KCNIP4: variants seen among roughly 807,000 people sequenced by gnomAD.
KCNIP4 encodes potassium voltage-gated channel interacting protein 4.
A neutral mutation model predicts 34.0 loss-of-function variants in KCNIP4; 12 were observed. That is an observed-to-expected ratio of 0.35 (90% CI 0.23 to 0.57). The LOEUF is 0.57. Ranked by LOEUF, KCNIP4 falls within the 20% of genes least tolerant of loss-of-function variation. The pLI is 0.83. For missense variants in KCNIP4, 238 were observed against 311.7 expected (o/e 0.76, Z 1.78); for synonymous variants, 124 against 102.2 (o/e 1.21, Z -1.29).
At chr4:20,750,223 C>T (rs938001270) in intron 4 of KCNIP4, among the ~76,000 whole-genome samples, 1 of 152,160 alleles carries the variant, frequency 6.6e-6, no homozygotes, top group Non-Finnish European at 1.5e-5. Context: ...AAAACATACC[C>T]AAAGTCACAC....
At chr4:21,503,215 C>T (rs1733508407) in intron 1 of KCNIP4, among the ~76,000 whole-genome samples, 1 of 152,140 alleles carries the variant, frequency 6.6e-6, no homozygotes, top group Non-Finnish European at 1.5e-5. Context: ...TTGCTAAAAA[C>T]TAGTCTTGTC....
chr4:21,626,373 A>G (rs957768973), intron 1 of KCNIP4, among the ~76,000 whole-genome samples: 3 of 146,940 alleles, frequency 2.0e-5, no homozygotes, highest in Admixed American at 6.8e-5. Flanking sequence ...CAGATACCAG[A>G]GAGCTTGTTT....
chr4:20,874,846 G>A (rs1336549034), intron 2 of KCNIP4, among the ~76,000 whole-genome samples: 1 of 152,126 alleles, frequency 6.6e-6, no homozygotes, highest in African/African-American at 2.4e-5. Flanking sequence ...AAAACATATA[G>A]CCAATATCTG....
intron 1 of KCNIP4, among the ~76,000 whole-genome samples, chr4:21,658,798 C>T (rs138454453): frequency 7.2e-5 from 11 of 152,252 alleles, no homozygotes; most frequent in African/African-American, 2.2e-4. Context: ...GGATCACAGG[C>T]CTGAATTCCC....
chr4:20,851,197 C>T (rs1256360595), intron 2 of KCNIP4, among the ~76,000 whole-genome samples: 1 of 152,114 alleles, frequency 6.6e-6, no homozygotes, highest in African/African-American at 2.4e-5. Flanking sequence ...CTCCCTCCCC[C>T]AACAGGTGCC....
At chr4:21,536,180 A>G (rs1737150037) in intron 1 of KCNIP4, among the ~76,000 whole-genome samples, 1 of 152,156 alleles carries the variant, frequency 6.6e-6, no homozygotes, top group Admixed American at 6.5e-5. Context: ...AGAGAAAACC[A>G]GGCCAACAGA....
intron 1 of KCNIP4, among the ~76,000 whole-genome samples, chr4:21,455,823 A>AGCCAAATAAGTTATTCCATTACAAAAT: frequency 6.0e-5 from 3 of 49,938 alleles, no homozygotes; most frequent in Admixed American, 1.8e-4. Context: ...ATATATATAT[A>AGCCAAATAAGTTATTCCATTACAAAAT]TATATATATA....
intron 3 of KCNIP4, among the ~76,000 whole-genome samples, chr4:20,840,155 G>T (rs574763524): frequency 9.9e-5 from 15 of 152,274 alleles, no homozygotes; most frequent in African/African-American, 3.6e-4. Context: ...ATGACTCATT[G>T]CTGGGAGAAT....
At chr4:21,587,844 C>T (rs997809495) in intron 1 of KCNIP4, among the ~76,000 whole-genome samples, 35 of 151,982 alleles carry the variant, frequency 2.3e-4, no homozygotes, top group Non-Finnish European at 3.8e-4. Context: ...ACACATCTTG[C>T]CCAAAGAGAT....
At chr4:20,764,945 T>C (rs1755268238) in intron 3 of KCNIP4, among the ~76,000 whole-genome samples, 1 of 152,182 alleles carries the variant, frequency 6.6e-6, no homozygotes, top group Non-Finnish European at 1.5e-5. Context: ...AGACCATTAC[T>C]TTTAACACTT....
chr4:21,460,348 G>A (rs1729348425), intron 1 of KCNIP4, among the ~76,000 whole-genome samples: 1 of 151,718 alleles, frequency 6.6e-6, no homozygotes, highest in Non-Finnish European at 1.5e-5. Flanking sequence ...CTCCCTGTTG[G>A]ACCCCTTCTT....
chr4:21,250,422 C>T (rs1321909077), intron 1 of KCNIP4, among the ~76,000 whole-genome samples: 4 of 152,066 alleles, frequency 2.6e-5, no homozygotes, highest in African/African-American at 9.7e-5. Context: ...GTAGCAGATG[C>T]TTAATCCATT....
chr4:20,806,283 T>C (rs1309458327), intron 3 of KCNIP4, among the ~76,000 whole-genome samples: 1 of 152,016 alleles, frequency 6.6e-6, no homozygotes, highest in African/African-American at 2.4e-5. Context: ...TACTTTTATT[T>C]CCTGAGATCT....
intron 3 of KCNIP4, among the ~76,000 whole-genome samples, chr4:20,827,662 T>C (rs1425171306): frequency 6.6e-6 from 1 of 152,106 alleles, no homozygotes; most frequent in South Asian, 2.1e-4. Context: ...TGGAGATTCA[T>C]TGGTCAGTAT....
chr4:20,878,309 C>T (rs990913832), intron 2 of KCNIP4, among the ~76,000 whole-genome samples: 2 of 152,106 alleles, frequency 1.3e-5, no homozygotes, highest in Admixed American at 6.6e-5. Flanking sequence ...TTCTGATAAT[C>T]GTAATCTTTT....
intron 1 of KCNIP4, among the ~76,000 whole-genome samples, chr4:21,318,958 C>T (rs1714086272): frequency 6.6e-6 from 1 of 151,996 alleles, no homozygotes; most frequent in Non-Finnish European, 1.5e-5. Flanking sequence ...GGTTGAACTC[C>T]AGAATTTTAC....
At chr4:21,875,116 TTAAGA>T (rs1227733226) in intron 1 of KCNIP4, among the ~76,000 whole-genome samples, 3 of 152,244 alleles carry the variant, frequency 2.0e-5, no homozygotes, top group African/African-American at 4.8e-5. Flanking sequence ...TTGTCATTTC[TTAAGA>T]TAAGGAATCT....
intron 1 of KCNIP4, among the ~76,000 whole-genome samples, chr4:21,860,129 T>TTTTTG (rs749928206): frequency 5.9e-5 from 9 of 152,144 alleles, no homozygotes. Flanking sequence ...TTGTCAATAA[T>TTTTTG]TTTTGTTTTG....
intron 2 of KCNIP4, among the ~76,000 whole-genome samples, chr4:20,879,589 C>T (rs974238638): frequency 1.3e-5 from 2 of 152,114 alleles, no homozygotes; most frequent in Admixed American, 6.5e-5. Flanking sequence ...GTTCTTCATG[C>T]AGAAAATCTT....
Sources: allele counts gnomAD v4.1 joint callset (sites outside exome capture counted in the v4.1 genomes callset), GRCh38; gene constraint gnomAD v4.1.1; transcripts MANE v1.5; gene names NCBI Gene and HGNC (gene_info 2026-07-23, HGNC 2026-07-21).